The following FAM120C variants were observed in gnomAD, a reference collection of about 807,000 sequenced individuals.
The protein encoded by FAM120C is constitutive coactivator of PPAR-gamma-like protein 2.
FAM120C carries 14 observed loss-of-function variants against 71.2 expected under a neutral mutation model. The observed-to-expected ratio is 0.20, with a 90% CI of 0.13 to 0.31. FAM120C has a LOEUF of 0.31. FAM120C is among the 10% of genes least tolerant of loss of function. The probability of loss-of-function intolerance (pLI) is 1.00; values close to 1 mark genes in which losing one functional copy is unlikely to be tolerated. For synonymous variants in FAM120C, 354 were observed against 353.2 expected (o/e 1.00, Z -0.03); for missense variants, 500 against 879.0 (o/e 0.57, Z 5.45).
At chrX:54,126,618 C>T in intron 9 of FAM120C, among the ~76,000 whole-genome samples, 1 of 112,571 alleles carries the variant, frequency 8.9e-6, no homozygotes, top group Admixed American at 9.4e-5. Flanking sequence ...CCCTTCTATT[C>T]TTAGTTTCCT....
In FAM120C at chrX:54,174,436, T is replaced by C. The variant is rs2516037; in HGVS notation, c.699+8064A>G. Among the ~76,000 whole-genome samples, 1,002 of 111,643 alleles carry C rather than the reference T, an allele frequency of 9.0e-3. 11 individuals carry two copies. The highest frequency in any genetic ancestry group is 0.031 in the African/African-American group (945 of 30,654). On this transcript the variant is annotated intron_variant, in intron 1 of 15. Transcript: ENST00000375180. ...TCATCATTGTGGCAGGGAGACACCA[T>C]GGAGCTGTAGAGACCAATAAATGAA...
At chrX:54,150,268 T>A (rs1395658403) in intron 4 of FAM120C, among the ~76,000 whole-genome samples, 1 of 112,067 alleles carries the variant, frequency 8.9e-6, no homozygotes, top group Non-Finnish European at 1.9e-5. Context: ...CATTAGCATA[T>A]AGCTCATCTA....
chrX:54,122,115 G>T (rs1457507998), intron 9 of FAM120C, among the ~76,000 whole-genome samples: 1 of 10,287 alleles, frequency 9.7e-5, no homozygotes, highest in East Asian at 3.8e-3. Context: ...TTTTACATTT[G>T]CTGAGGAGAG....
At chrX:54,107,102 G>T (rs905313109) in intron 10 of FAM120C, among the ~76,000 whole-genome samples, 3 of 102,254 alleles carry the variant, frequency 2.9e-5, no homozygotes, top group East Asian at 3.0e-4. Context: ...GTTTGTTTTG[G>T]TTTTTTTTTT....
chrX:54,078,767 G>C (rs2066749083), intron 15 of FAM120C, among the ~76,000 whole-genome samples: 1 of 110,765 alleles, frequency 9.0e-6, no homozygotes, highest in Admixed American at 9.8e-5. Flanking sequence ...ACAATATTTT[G>C]GATCACTACA....
At chrX:54,129,450 C>T (rs1209559119) in intron 9 of FAM120C, among the ~76,000 whole-genome samples, 2 of 108,630 alleles carry the variant, frequency 1.8e-5, no homozygotes, top group African/African-American at 3.4e-5. Context: ...CTCCTCACTT[C>T]CTAGATGGGA....
intron 9 of FAM120C, among the ~76,000 whole-genome samples, chrX:54,124,382 G>A (rs781922112): frequency 3.5e-5 from 1 of 28,395 alleles, no homozygotes; most frequent in Non-Finnish European, 6.7e-5. Flanking sequence ...TTCCGTGGGC[G>A]TAGGACCCTC....
intron 10 of FAM120C, among the ~76,000 whole-genome samples, chrX:54,094,904 C>CA (rs11332265): frequency 2.3e-5 from 2 of 85,589 alleles, no homozygotes; most frequent in African/African-American, 8.6e-5. Context: ...GACTCCATCT[C>CA]AAAAAAAAAA....
intron 4 of FAM120C, among the ~76,000 whole-genome samples, chrX:54,143,148 C>A (rs1302873302): frequency 9.0e-6 from 1 of 111,561 alleles, no homozygotes; most frequent in Admixed American, 9.6e-5. Context: ...GAAACCAGAG[C>A]AGAAAAGATG....
intron 10 of FAM120C, among the ~76,000 whole-genome samples, chrX:54,093,201 CAA>C: frequency 1.8e-5 from 2 of 111,939 alleles, no homozygotes; most frequent in Admixed American, 1.9e-4. Flanking sequence ...AAAAACAAAA[CAA>C]GACAAAACTC....
intron 10 of FAM120C, among the ~76,000 whole-genome samples, chrX:54,108,347 C>T (rs782150426): frequency 9.1e-6 from 1 of 110,133 alleles, no homozygotes; most frequent in South Asian, 3.9e-4. Context: ...ATAAAGATGT[C>T]AAAGCTCCCC....
At chrX:54,150,327 C>G (rs1215983548) in intron 4 of FAM120C, among the ~76,000 whole-genome samples, 1 of 111,985 alleles carries the variant, frequency 8.9e-6, no homozygotes, top group Admixed American at 9.6e-5. Context: ...ATGTAATATA[C>G]TGAATACTAT....
At position 54,182,869 on chromosome X, in the gene FAM120C, G is replaced by A; in HGVS notation, c.330C>T (p.Pro110=). The A allele has an allele frequency of 1.8e-6, 2 of 1,134,064 alleles. No homozygotes were observed. Among genetic ancestry groups the A allele is most frequent in the Non-Finnish European group, 2.3e-6 (2 of 859,179 alleles). The allele number at this position is 1,134,064 out of a possible 1,213,427, so 93.5% of individuals were successfully genotyped here. A position where few individuals can be genotyped will look rare whatever the true frequency, so the allele number is the denominator to read the frequency against. Residue 110 remains proline, a synonymous_variant, in exon 1 of 16, where the codon CCC becomes CCT. Transcript: ENST00000375180. ...GLHPPLPPPP[P]PQLPGARVLV... ...GCACCCGGGCCCCGGGCAGCTGAGG[G>A]GGCGGCGGCGGCGGCAGCGGAGGGT...
rs143482076 is a variant in FAM120C, at chrX:54,179,474, G to A, written c.699+3026C>T. Among the ~76,000 whole-genome samples, 123 of 111,673 alleles carry A rather than the reference G, an allele frequency of 1.1e-3. No homozygotes were observed. The East Asian group carries it at 0.033, about 30-fold the overall frequency. On this transcript the variant is annotated intron_variant, in intron 1 of 15. Transcript: ENST00000375180. ...GTGAAAAATTCCCACCTTCAAGACA[G>A]TAGAACACTCCTCTGAAAAGGGAAA...
At chrX:54,156,278 C>A (rs2067208707) in intron 3 of FAM120C, among the ~76,000 whole-genome samples, 1 of 107,949 alleles carries the variant, frequency 9.3e-6, no homozygotes, top group South Asian at 4.2e-4. Context: ...CTTATACTAC[C>A]ACCAGAAGTG....
chrX:54,107,768 C>T (rs1478584931), intron 10 of FAM120C, among the ~76,000 whole-genome samples: 7 of 102,922 alleles, frequency 6.8e-5, no homozygotes, highest in African/African-American at 2.1e-4. Flanking sequence ...ATGATCCACC[C>T]TCCTCGGCCT....
intron 9 of FAM120C, among the ~76,000 whole-genome samples, chrX:54,127,854 A>G (rs1199353394): frequency 9.1e-6 from 1 of 110,486 alleles, no homozygotes; most frequent in African/African-American, 3.3e-5. Flanking sequence ...GGGCCTCCCT[A>G]GGTATTGAGA....
rs1557137764 is a variant in FAM120C at position 54,182,967 on chromosome X, C to T, written c.232G>A (p.Gly78Ser). The part of the protein sequence containing the change: ...PPAALGAYSG[G>S]AGPTRHHHPA... ...TGATGGTGCCGAGTCGGCCCCGCGC[C>T]CCCGGAGTAGGCACCCAAGGCAGCG... is the stretch of plus-strand genomic sequence containing the variant. The change falls in exon 1 of 16, where the codon GGC (glycine) becomes AGC (serine). Residue 78 changes from glycine to serine, a missense_variant. Physicochemically the swap from Gly to Ser is moderately conservative, Grantham distance 56. Transcript: ENST00000375180. 5 of 1,160,130 alleles carry T rather than the reference C, an allele frequency of 4.3e-6. No individual in the cohort carries two copies. The highest frequency in any genetic ancestry group is 5.7e-6 in the Non-Finnish European group (5 of 871,464).
intron 4 of FAM120C, among the ~76,000 whole-genome samples, chrX:54,144,240 T>A (rs1225930745): frequency 9.0e-6 from 1 of 111,191 alleles, no homozygotes; most frequent in East Asian, 2.8e-4. Flanking sequence ...AAGCATTCCC[T>A]TTGAAAACTG....
Sources: gnomAD v4.1 joint callset for allele counts (sites outside exome capture counted in the v4.1 genomes callset) on GRCh38, gnomAD v4.1.1 for gene constraint, MANE v1.5 for transcripts, NCBI Gene and HGNC (gene_info 2026-07-23, HGNC 2026-07-21) for gene names.